The following RBFOX3 variants were observed in gnomAD, a reference collection of about 807,000 sequenced individuals.
The protein encoded by RBFOX3 is RNA binding fox-1 homolog 3, also known as RNA binding protein fox-1 homolog 3.
Under a neutral mutation model 48.7 loss-of-function variants are expected in RBFOX3, and 17 were observed. That is an observed-to-expected ratio of 0.35 (90% CI 0.24 to 0.52). The LOEUF (loss-of-function observed/expected upper bound fraction) is 0.52, where lower values mean the gene tolerates loss of function less well. Ranked by LOEUF, RBFOX3 falls within the 20% of genes least tolerant of loss-of-function variation. The pLI is 0.94. For missense variants in RBFOX3, 382 were observed against 497.5 expected (o/e 0.77, Z 2.21); for synonymous variants, 212 against 209.5 (o/e 1.01, Z -0.10).
chr17:79,227,154 T>C (rs902150493), intron 4 of RBFOX3, among the ~76,000 whole-genome samples: 1 of 152,190 alleles, frequency 6.6e-6, no homozygotes, highest in Non-Finnish European at 1.5e-5. Flanking sequence ...AAAGGAGCCA[T>C]GGAGACTTCT....
At chr17:79,324,584 T>C (rs1482657120) in intron 2 of RBFOX3, among the ~76,000 whole-genome samples, 2 of 152,180 alleles carry the variant, frequency 1.3e-5, no homozygotes, top group African/African-American at 4.8e-5. Context: ...AAAGCATTTA[T>C]GAAGATGAAT....
At position 79,149,268 on chromosome 17, in the gene RBFOX3, C is replaced by T. The variant is rs189472853; in HGVS notation, c.-33-33520G>A. Among the ~76,000 whole-genome samples, 10 of 152,274 alleles carry T rather than the reference C, an allele frequency of 6.6e-5. No homozygotes were observed. The East Asian group carries it at 1.2e-3, about 18-fold the overall frequency. ...GGCATCCATCTGGGGCTTAGTAGAG[C>T]GTGGGAGGCAGCATCTCGGGACCCC... On this transcript the variant is annotated intron_variant, in intron 4 of 14. Transcript: ENST00000693108.
intron 2 of RBFOX3, among the ~76,000 whole-genome samples, chr17:79,316,189 AG>A (rs2077519611): frequency 6.8e-6 from 1 of 146,298 alleles, no homozygotes; most frequent in African/African-American, 2.5e-5. Context: ...TGGAGGGTGG[AG>A]GGGCTGGGGC....
At chr17:79,225,964 G>T (rs1184936317) in intron 4 of RBFOX3, among the ~76,000 whole-genome samples, 1 of 152,094 alleles carries the variant, frequency 6.6e-6, no homozygotes, top group Non-Finnish European at 1.5e-5. Flanking sequence ...GAGGGCAGAG[G>T]AGGGGGCTGC....
At chr17:79,476,548 C>A (rs62062822) in intron 2 of RBFOX3, among the ~76,000 whole-genome samples, 1 of 152,146 alleles carries the variant, frequency 6.6e-6, no homozygotes, top group African/African-American at 2.4e-5. Flanking sequence ...GCAAACCCCA[C>A]GCCAGTCAGT....
chr17:79,412,561 C>G (rs1224536326), intron 2 of RBFOX3, among the ~76,000 whole-genome samples: 1 of 145,428 alleles, frequency 6.9e-6, no homozygotes, highest in Non-Finnish European at 1.5e-5. Flanking sequence ...TATGTGTGTG[C>G]TGTGTGGTAT....
intron 1 of RBFOX3, among the ~76,000 whole-genome samples, chr17:79,525,646 A>G (rs1267443871): frequency 6.6e-6 from 1 of 152,232 alleles, no homozygotes; most frequent in Non-Finnish European, 1.5e-5. Flanking sequence ...CAGGAGCTCG[A>G]TGTCTAAAGG....
chr17:79,375,713 C>A (rs185217057), intron 2 of RBFOX3, among the ~76,000 whole-genome samples: 16 of 152,210 alleles, frequency 1.1e-4, no homozygotes, highest in African/African-American at 3.9e-4. Flanking sequence ...CTCTGATACC[C>A]AATTCAACCT....
chr17:79,139,997 CTCTG>C (rs755544291), intron 4 of RBFOX3, among the ~76,000 whole-genome samples: 1 of 152,216 alleles, frequency 6.6e-6, no homozygotes, highest in Non-Finnish European at 1.5e-5. Context: ...TGGTGTCCAG[CTCTG>C]TCTCACTCCC....
chr17:79,219,400 G>A (rs997338166), intron 4 of RBFOX3, among the ~76,000 whole-genome samples: 14 of 152,308 alleles, frequency 9.2e-5, no homozygotes, highest in South Asian at 4.1e-4. Flanking sequence ...ATGTGCGTGC[G>A]CGTGCACACA....
intron 4 of RBFOX3, among the ~76,000 whole-genome samples, chr17:79,227,215 G>A (rs1278753148): frequency 6.6e-6 from 1 of 152,206 alleles, no homozygotes; most frequent in Non-Finnish European, 1.5e-5. Flanking sequence ...CCCCAGAGGC[G>A]AATTCCAGCA....
intron 2 of RBFOX3, among the ~76,000 whole-genome samples, chr17:79,382,131 G>T (rs2060002604): frequency 1.3e-5 from 2 of 152,184 alleles, no homozygotes; most frequent in Admixed American, 1.3e-4. Flanking sequence ...ACCCTGGGGT[G>T]GCCTAGCCAT....
rs552184422 is a variant in RBFOX3 at position 79,528,892 on chromosome 17, G to A, written c.-319-46294C>T. 1.9e-3 allele frequency among the ~76,000 whole-genome samples: 287 copies of A among 152,316 alleles called. 2 individuals carry two copies. The South Asian group carries it at 0.021, about 11-fold the overall frequency. ...CCATCTCACAGGTGCTGTTGTGACT[G>A]GGACAGTGTCTGTCTTCACTCTGCA... On this transcript the variant is annotated intron_variant, in intron 1 of 14. Transcript: ENST00000693108.
intron 4 of RBFOX3, among the ~76,000 whole-genome samples, chr17:79,154,488 G>A (rs1011367463): frequency 1.3e-5 from 2 of 152,222 alleles, no homozygotes; most frequent in South Asian, 2.1e-4. Flanking sequence ...CTAAGTGGAC[G>A]AGTGGGGAAG....
At chr17:79,447,407 G>A (rs1598737626) in intron 2 of RBFOX3, among the ~76,000 whole-genome samples, 1 of 152,236 alleles carries the variant, frequency 6.6e-6, no homozygotes, top group Non-Finnish European at 1.5e-5. Flanking sequence ...CGTGTTTGCT[G>A]GCAGAGTGCC....
intron 1 of RBFOX3, among the ~76,000 whole-genome samples, chr17:79,484,270 G>A (rs934230015): frequency 8.5e-5 from 13 of 152,176 alleles, no homozygotes; most frequent in African/African-American, 2.9e-4. Context: ...CCGAAGAACC[G>A]AAGAGCAGAA....
intron 2 of RBFOX3, among the ~76,000 whole-genome samples, chr17:79,416,737 G>T (rs540886604): frequency 6.6e-6 from 1 of 152,214 alleles, no homozygotes. Flanking sequence ...TATCTGCCTC[G>T]ATTGCTGACC....
chr17:79,370,905 G>A (rs2058445374), intron 2 of RBFOX3, among the ~76,000 whole-genome samples: 1 of 152,224 alleles, frequency 6.6e-6, no homozygotes, highest in Admixed American at 6.5e-5. Context: ...CTTATCTGGA[G>A]AAACCAGTGC....
chr17:79,372,448 T>C (rs887313116), intron 2 of RBFOX3, among the ~76,000 whole-genome samples: 71 of 146,494 alleles, frequency 4.8e-4, no homozygotes, highest in African/African-American at 1.6e-3. Flanking sequence ...CCCAGTTTTA[T>C]GTCTCCCCCC....
Sources: allele counts gnomAD v4.1 joint callset (sites outside exome capture counted in the v4.1 genomes callset), GRCh38; gene constraint gnomAD v4.1.1; transcripts MANE v1.5; gene names NCBI Gene and HGNC (gene_info 2026-07-23, HGNC 2026-07-21).